Variants in AGBL4 observed in about 807,000 individuals in gnomAD.
The protein encoded by AGBL4 is cytosolic carboxypeptidase 6.
Under a neutral mutation model 66.4 loss-of-function variants are expected in AGBL4, and 58 were observed. That is an observed-to-expected ratio of 0.87 (90% CI 0.71 to 1.09). The LOEUF (loss-of-function observed/expected upper bound fraction) is 1.09. Among genes scored for constraint, AGBL4 ranks in the 50% least tolerant of loss-of-function variants. AGBL4 has a pLI of 0.00. For synonymous variants in AGBL4, 234 were observed against 222.9 expected (o/e 1.05, Z -0.44); for missense variants, 579 against 631.0 (o/e 0.92, Z 0.88).
At chr1:49,854,181 T>G (rs1336676104) in intron 1 of AGBL4, among the ~76,000 whole-genome samples, 2 of 1,450 alleles carry the variant, frequency 1.4e-3, no homozygotes, top group African/African-American at 0.013. Context: ...TGCCTGACAC[T>G]TGCCCTCATT....
At chr1:49,873,015 G>A (rs967596084) in intron 1 of AGBL4, among the ~76,000 whole-genome samples, 18 of 151,208 alleles carry the variant, frequency 1.2e-4, no homozygotes, top group African/African-American at 4.1e-4. Flanking sequence ...TTTAAGATAT[G>A]CTTTTCTAAA....
At chr1:49,741,921 A>G (rs1396211140) in intron 2 of AGBL4, among the ~76,000 whole-genome samples, 3 of 152,130 alleles carry the variant, frequency 2.0e-5, no homozygotes, top group African/African-American at 7.2e-5. Context: ...AGAGCTATCT[A>G]TGACAAACCC....
chr1:49,112,153 T>G (rs1645425058), intron 4 of AGBL4, among the ~76,000 whole-genome samples: 1 of 152,252 alleles, frequency 6.6e-6, no homozygotes, highest in Non-Finnish European at 1.5e-5. Context: ...TTGAAGTGAT[T>G]AAGGCATACT....
intron 4 of AGBL4, among the ~76,000 whole-genome samples, chr1:49,134,735 C>T (rs12058485): frequency 2.0e-5 from 3 of 151,902 alleles, no homozygotes; most frequent in Admixed American, 6.6e-5. Context: ...ATGAACAATT[C>T]GTGCAGTTAA....
At position 49,846,980 on chromosome 1, in the gene AGBL4, A is replaced by C. The variant is rs1367459492; in HGVS notation, c.157+4416T>G. Among the ~76,000 whole-genome samples, 6 of 152,240 alleles carry C rather than the reference A, an allele frequency of 3.9e-5. No individual in the cohort carries two copies. In the East Asian group the frequency reaches 9.6e-4, roughly 24 times the overall value. On this transcript the variant is annotated intron_variant, in intron 2 of 13. Coordinates refer to ENST00000371839, the MANE Select transcript of AGBL4 (RefSeq NM_032785.4). ...AGCCCAAATAGCCAAAGCAGTTCTAAGCAAAAACAACAAAGCTGGAGATAT... is the reference window on the plus strand; with the variant it reads ...AGCCCAAATAGCCAAAGCAGTTCTACGCAAAAACAACAAAGCTGGAGATAT...
intron 3 of AGBL4, among the ~76,000 whole-genome samples, chr1:49,528,773 A>G (rs940659017): frequency 6.6e-6 from 1 of 152,106 alleles, no homozygotes; most frequent in Non-Finnish European, 1.5e-5. Context: ...AAGGGGAAGA[A>G]TGATATTTCA....
intron 1 of AGBL4, among the ~76,000 whole-genome samples, chr1:49,862,008 A>C (rs1646584270): frequency 6.6e-6 from 1 of 152,144 alleles, no homozygotes; most frequent in Non-Finnish European, 1.5e-5. Context: ...TAGCATCAAA[A>C]CCACCCACAA....
chr1:49,584,346 T>C (rs186424020), intron 3 of AGBL4, among the ~76,000 whole-genome samples: 8 of 152,340 alleles, frequency 5.3e-5, no homozygotes, highest in Non-Finnish European at 1.0e-4. Flanking sequence ...TTAAACGTCA[T>C]CTGGTATACC....
At chr1:49,440,716 A>G (rs1457508819) in intron 3 of AGBL4, among the ~76,000 whole-genome samples, 1 of 152,146 alleles carries the variant, frequency 6.6e-6, no homozygotes, top group Non-Finnish European at 1.5e-5. Flanking sequence ...GGAAAAACAG[A>G]CACAAGCTCT....
At chr1:49,301,792 C>T (rs1246986619) in intron 3 of AGBL4, among the ~76,000 whole-genome samples, 1 of 152,048 alleles carries the variant, frequency 6.6e-6, no homozygotes, top group African/African-American at 2.4e-5. Flanking sequence ...AGACCGATGA[C>T]CCCCACCCAG....
chr1:48,714,647 A>G (rs1203811492), intron 6 of AGBL4, among the ~76,000 whole-genome samples: 7 of 152,166 alleles, frequency 4.6e-5, no homozygotes. Context: ...CTGAAACACC[A>G]ATCTGACCAT....
chr1:48,548,214 G>C (rs1252919337), intron 11 of AGBL4, among the ~76,000 whole-genome samples: 1 of 150,492 alleles, frequency 6.6e-6, no homozygotes, highest in African/African-American at 2.4e-5. Context: ...AAGATAAAGA[G>C]TAGGGTAAGG....
At chr1:48,585,525 G>A (rs1026776232) in intron 11 of AGBL4, 3 of 152,308 alleles carry the variant, frequency 2.0e-5, no homozygotes, top group Non-Finnish European at 2.9e-5. Context: ...GCACATAACA[G>A]GTGGCCAGGA....
At chr1:49,418,094 A>C (rs1645467543) in intron 3 of AGBL4, among the ~76,000 whole-genome samples, 1 of 152,168 alleles carries the variant, frequency 6.6e-6, no homozygotes, top group African/African-American at 2.4e-5. Context: ...TTAGCTTTCT[A>C]GTCTAGCTAA....
At chr1:49,278,855 A>G (rs1246649894) in intron 3 of AGBL4, among the ~76,000 whole-genome samples, 1 of 152,222 alleles carries the variant, frequency 6.6e-6, no homozygotes, top group Non-Finnish European at 1.5e-5. Context: ...AAGCATGTTT[A>G]GTAAAGCTGA....
chr1:49,705,259 G>A (rs894960409), intron 2 of AGBL4, among the ~76,000 whole-genome samples: 10 of 152,038 alleles, frequency 6.6e-5, no homozygotes, highest in Non-Finnish European at 1.5e-4. Context: ...ATGCCTGTGA[G>A]TTTTGCACAT....
intron 1 of AGBL4, among the ~76,000 whole-genome samples, chr1:49,889,403 T>C (rs1260303147): frequency 2.0e-5 from 3 of 152,316 alleles, no homozygotes; most frequent in Admixed American, 1.3e-4. Flanking sequence ...CTTTTTCAAT[T>C]CACTGAAGTG....
chr1:49,912,161 C>T (rs201806400), intron 1 of AGBL4, among the ~76,000 whole-genome samples: 4 of 152,194 alleles, frequency 2.6e-5, no homozygotes, highest in Non-Finnish European at 5.9e-5. Context: ...AGGGCCCAGT[C>T]CCAGATCCAG....
chr1:49,694,625 G>A (rs1439927079), intron 3 of AGBL4, among the ~76,000 whole-genome samples: 2 of 152,118 alleles, frequency 1.3e-5, no homozygotes, highest in Non-Finnish European at 1.5e-5. Flanking sequence ...TCTCTTGTAA[G>A]AGTAACCCTT....
Sources: gnomAD v4.1 joint callset for allele counts (sites outside exome capture counted in the v4.1 genomes callset) on GRCh38, gnomAD v4.1.1 for gene constraint, MANE v1.5 for transcripts, NCBI Gene and HGNC (gene_info 2026-07-23, HGNC 2026-07-21) for gene names.